DIAPH3: variants seen among roughly 807,000 people sequenced by gnomAD.
DIAPH3 encodes the protein diaphanous related formin 3, also known as protein diaphanous homolog 3.
DIAPH3 carries 117 observed loss-of-function variants against 144.3 expected under a neutral mutation model. The observed-to-expected ratio is 0.81, with a 90% confidence interval of 0.70 to 0.95. The LOEUF (loss-of-function observed/expected upper bound fraction) is 0.95. Ranked by LOEUF, DIAPH3 falls within the 40% of genes least tolerant of loss-of-function variation. The probability of loss-of-function intolerance (pLI) is 0.00; values close to 1 mark genes in which losing one functional copy is unlikely to be tolerated. For synonymous variants in DIAPH3, 519 were observed against 488.9 expected, an observed-to-expected ratio of 1.06 and a Z score of -0.81; for missense variants, 1,421 against 1,412.7, an observed-to-expected ratio of 1.01 and a Z score of -0.09.
chr13:60,071,855 A>C (rs780595772), intron 4 of DIAPH3, among the ~76,000 whole-genome samples: 42 of 152,082 alleles, frequency 2.8e-4, no homozygotes, highest in Non-Finnish European at 5.7e-4. Flanking sequence ...ATCTAATCCC[A>C]ATACCTATTT....
At position 59,690,457 on chromosome 13, in the gene DIAPH3, G is replaced by A. The variant is rs145866369; in HGVS notation, c.3320-23611C>T. 9.3e-4 allele frequency among the ~76,000 whole-genome samples: 142 copies of A among 152,236 alleles called. 1 individual carries two copies. Among genetic ancestry groups the A allele is most frequent in the African/African-American group, 3.3e-3 (136 of 41,558 alleles). ...TGGTTGGTATAATTTGCCCTAGACT[G>A]CATTTTCTATACAGAAGAGGAATTG... On this transcript the variant is annotated intron_variant, in intron 27 of 27. Transcript: ENST00000400324.
At chr13:60,037,725 A>C (rs2055333933) in intron 5 of DIAPH3, among the ~76,000 whole-genome samples, 1 of 152,064 alleles carries the variant, frequency 6.6e-6, no homozygotes, top group East Asian at 1.9e-4. Context: ...TAAATTAAAA[A>C]TTCAAAATGA....
intron 27 of DIAPH3, among the ~76,000 whole-genome samples, chr13:59,754,844 A>T (rs1290331236): frequency 6.6e-6 from 1 of 152,168 alleles, no homozygotes; most frequent in Non-Finnish European, 1.5e-5. Context: ...TTGTACTGAT[A>T]AGTTTTCATG....
chr13:59,913,723 C>G (rs540053200), intron 19 of DIAPH3, among the ~76,000 whole-genome samples: 1 of 152,010 alleles, frequency 6.6e-6, no homozygotes, highest in Non-Finnish European at 1.5e-5. Flanking sequence ...TTTGAGAGAC[C>G]GAGGTGGGCA....
chr13:59,736,743 T>C (rs1278341722), intron 27 of DIAPH3, among the ~76,000 whole-genome samples: 1 of 152,164 alleles, frequency 6.6e-6, no homozygotes, highest in Non-Finnish European at 1.5e-5. Context: ...AGCATCACGC[T>C]AGCCAACTTC....
rs547396622 is a variant in DIAPH3 at position 60,065,993 on chromosome 13, A to C, written c.496-23173T>G. Reference sequence around the variant, plus strand: ...CCTACAAATCATATATATCAAAATAAAATGTCATTTTTAATAAATCATTTC... The same window carrying C: ...CCTACAAATCATATATATCAAAATACAATGTCATTTTTAATAAATCATTTC... On this transcript the variant is annotated intron_variant, in intron 4 of 27. Transcript: ENST00000400324. 2.6e-5 allele frequency among the ~76,000 whole-genome samples: 4 copies of C among 152,310 alleles called. No homozygotes were observed. The South Asian group carries it at 8.3e-4, about 32-fold the overall frequency.
At chr13:59,925,125 T>C (rs913065029) in intron 17 of DIAPH3, among the ~76,000 whole-genome samples, 2 of 152,076 alleles carry the variant, frequency 1.3e-5, no homozygotes, top group African/African-American at 4.8e-5. Flanking sequence ...AAAACTTATG[T>C]ATACTATGGA....
At chr13:59,856,470 G>C (rs1011931516) in intron 22 of DIAPH3, among the ~76,000 whole-genome samples, 2 of 152,162 alleles carry the variant, frequency 1.3e-5, no homozygotes, top group African/African-American at 4.8e-5. Context: ...AGGGGCATAA[G>C]GAAATGATTT....
At chr13:59,760,593 C>T (rs1420879450) in intron 27 of DIAPH3, among the ~76,000 whole-genome samples, 1 of 152,104 alleles carries the variant, frequency 6.6e-6, no homozygotes, top group Non-Finnish European at 1.5e-5. Context: ...ATGTGGACTT[C>T]GTTGTTATTT....
intron 27 of DIAPH3, among the ~76,000 whole-genome samples, chr13:59,689,897 C>T (rs2033414043): frequency 6.6e-6 from 1 of 151,912 alleles, no homozygotes; most frequent in Non-Finnish European, 1.5e-5. Context: ...CCTTCCAGGA[C>T]ATTTTTTTAT....
intron 23 of DIAPH3, among the ~76,000 whole-genome samples, chr13:59,834,721 G>A (rs2041954666): frequency 6.6e-6 from 1 of 151,622 alleles, no homozygotes; most frequent in Non-Finnish European, 1.5e-5. Context: ...TCCAACTTCT[G>A]TATTCGTCAA....
chr13:60,024,199 TTCTCC>T (rs752767879), intron 5 of DIAPH3, among the ~76,000 whole-genome samples: 6 of 152,242 alleles, frequency 3.9e-5, no homozygotes, highest in South Asian at 2.1e-4. Context: ...CCTGTCCTCT[TTCTCC>T]TCTCAAGTCT....
intron 27 of DIAPH3, among the ~76,000 whole-genome samples, chr13:59,748,031 A>G (rs2036789778): frequency 6.6e-6 from 1 of 152,206 alleles, no homozygotes; most frequent in South Asian, 2.1e-4. Context: ...AAATCATGCA[A>G]TAAGATAAGT....
chr13:60,047,797 T>A (rs2056149892), intron 4 of DIAPH3, among the ~76,000 whole-genome samples: 1 of 152,168 alleles, frequency 6.6e-6, no homozygotes, highest in African/African-American at 2.4e-5. Flanking sequence ...AAGTCTCTTA[T>A]TAAATTAGTT....
intron 2 of DIAPH3, among the ~76,000 whole-genome samples, chr13:60,122,056 C>T (rs1477808704): frequency 1.3e-5 from 2 of 152,124 alleles, no homozygotes; most frequent in African/African-American, 4.8e-5. Flanking sequence ...AGTCATGCCC[C>T]TCACTCCTGT....
chr13:59,975,399 C>T (rs909051249), intron 14 of DIAPH3, among the ~76,000 whole-genome samples: 1 of 151,886 alleles, frequency 6.6e-6, no homozygotes, highest in Non-Finnish European at 1.5e-5. Flanking sequence ...GTTGCTAGTC[C>T]CTCATAGCTA....
At chr13:60,017,229 C>A (rs566588323) in intron 5 of DIAPH3, among the ~76,000 whole-genome samples, 83 of 151,816 alleles carry the variant, frequency 5.5e-4, no homozygotes, top group African/African-American at 1.9e-3. Context: ...CATGGTGAAA[C>A]CCCATCTCTA....
rs1226599692 is a variant in DIAPH3 at position 60,010,638 on chromosome 13, C to T, written c.803G>A (p.Arg268Lys). 1.2e-6 allele frequency: 2 copies of T among 1,613,756 alleles called. No individual in the cohort carries two copies. Among genetic ancestry groups the T allele is most frequent in the Admixed American group, 1.7e-5 (1 of 60,008 alleles). ...GGCTTTGGCCAATAAGGAAAGGCTC[C>T]TCTCCTCACTCATAATTCTTTCCAA... ...YGLERIMSEE[R>K]SLSLLAKAVD... Residue 268 changes from arginine (R) to lysine (K), a missense_variant, in exon 8 of 28, where the codon AGG (arginine) becomes AAG (lysine). Coordinates refer to ENST00000400324, the MANE Select transcript of DIAPH3 (RefSeq NM_001042517.2).
chr13:60,115,180 G>A (rs1335073854), intron 2 of DIAPH3, among the ~76,000 whole-genome samples: 1 of 152,072 alleles, frequency 6.6e-6, no homozygotes, highest in Admixed American at 6.5e-5. Flanking sequence ...CTGCTGAAAT[G>A]GTGACCAACA....
Sources: allele counts gnomAD v4.1 joint callset (sites outside exome capture counted in the v4.1 genomes callset), GRCh38; gene constraint gnomAD v4.1.1; transcripts MANE v1.5; gene names NCBI Gene and HGNC (gene_info 2026-07-23, HGNC 2026-07-21).